PRKG1: variants seen among roughly 807,000 people sequenced by gnomAD.
The protein encoded by PRKG1 is cGMP-dependent protein kinase 1.
Under a neutral mutation model 88.1 loss-of-function variants are expected in PRKG1, and 35 were observed. That is an observed-to-expected ratio of 0.40 (90% CI 0.30 to 0.53). The LOEUF is 0.53. Among genes scored for constraint, PRKG1 ranks in the 20% least tolerant of loss-of-function variants. The probability of loss-of-function intolerance (pLI) is 0.59; values close to 1 mark genes in which losing one functional copy is unlikely to be tolerated. For missense variants in PRKG1, 540 were observed against 839.8 expected, an observed-to-expected ratio of 0.64 and a Z score of 4.41; for synonymous variants, 303 against 292.5, an observed-to-expected ratio of 1.04 and a Z score of -0.37.
chr10:51,336,495 C>T (rs1046812298), intron 2 of PRKG1, among the ~76,000 whole-genome samples: 2 of 152,152 alleles, frequency 1.3e-5, no homozygotes, highest in Non-Finnish European at 2.9e-5. Context: ...GTCACATCCT[C>T]TCCCCCTCTT....
intron 4 of PRKG1, among the ~76,000 whole-genome samples, chr10:51,838,054 ACT>A (rs72401691): frequency 0.065 from 9,859 of 151,984 alleles, 960 homozygotes; most frequent in African/African-American, 0.22. Context: ...TTAACTTGCA[ACT>A]CTCTTTGTGA....
At chr10:51,443,728 A>C (rs1360539847) in intron 2 of PRKG1, among the ~76,000 whole-genome samples, 1 of 151,958 alleles carries the variant, frequency 6.6e-6, no homozygotes, top group African/African-American at 2.4e-5. Flanking sequence ...AAGTGGACAT[A>C]ATTTGGGGAA....
At chr10:51,403,511 TA>T (rs1272579001) in intron 2 of PRKG1, among the ~76,000 whole-genome samples, 1 of 152,190 alleles carries the variant, frequency 6.6e-6, no homozygotes, top group Non-Finnish European at 1.5e-5. Context: ...ACACTTAATT[TA>T]CTCCTCTACA....
At chr10:52,231,316 G>A (rs1391369642) in intron 9 of PRKG1, 2 of 152,080 alleles carry the variant, frequency 1.3e-5, no homozygotes, top group Non-Finnish European at 2.9e-5. Flanking sequence ...CAGGAGAACT[G>A]CTTGAGCCCA....
At chr10:52,117,049 T>C (rs1246382018) in intron 7 of PRKG1, among the ~76,000 whole-genome samples, 1 of 152,078 alleles carries the variant, frequency 6.6e-6, no homozygotes, top group African/African-American at 2.4e-5. Context: ...TTCTGAATCA[T>C]TATGAAGAGA....
chr10:51,871,520 C>G (rs10999857), intron 4 of PRKG1, among the ~76,000 whole-genome samples: 21,799 of 152,210 alleles, frequency 0.14, 1,844 homozygotes, highest in Admixed American at 0.19. Context: ...TATCTCCAGT[C>G]AGATAATAGT....
intron 3 of PRKG1, among the ~76,000 whole-genome samples, chr10:51,509,414 T>C (rs1329431311): frequency 6.6e-6 from 1 of 152,236 alleles, no homozygotes; most frequent in Admixed American, 6.5e-5. Flanking sequence ...GTCACTGTTT[T>C]CATTTCTACA....
chr10:52,188,938 G>C (rs1184489935), intron 9 of PRKG1, among the ~76,000 whole-genome samples: 1 of 151,604 alleles, frequency 6.6e-6, no homozygotes, highest in Non-Finnish European at 1.5e-5. Flanking sequence ...ACCAGGCACA[G>C]AGAATACGAA....
chr10:51,384,254 T>C (rs1837191204), intron 2 of PRKG1, among the ~76,000 whole-genome samples: 1 of 152,122 alleles, frequency 6.6e-6, no homozygotes, highest in African/African-American at 2.4e-5. Flanking sequence ...TCCAAATATA[T>C]GTTAGTGTGG....
At chr10:51,522,512 A>G (rs1286684508) in intron 3 of PRKG1, among the ~76,000 whole-genome samples, 1 of 152,226 alleles carries the variant, frequency 6.6e-6, no homozygotes, top group Non-Finnish European at 1.5e-5. Flanking sequence ...AGTATATATT[A>G]ATAATTTTGT....
intron 3 of PRKG1, among the ~76,000 whole-genome samples, chr10:51,582,250 T>C (rs1838059034): frequency 6.6e-6 from 1 of 152,188 alleles, no homozygotes; most frequent in African/African-American, 2.4e-5. Flanking sequence ...AAGCCGTGCT[T>C]GTTCTTGGGG....
At chr10:51,666,999 T>C (rs930482894) in intron 3 of PRKG1, among the ~76,000 whole-genome samples, 12 of 151,988 alleles carry the variant, frequency 7.9e-5, no homozygotes, top group African/African-American at 2.9e-4. Context: ...GGTTTCACCA[T>C]GTTGGTTGGC....
At chr10:51,301,815 C>G (rs577533149) in intron 2 of PRKG1, among the ~76,000 whole-genome samples, 1 of 152,334 alleles carries the variant, frequency 6.6e-6, no homozygotes, top group East Asian at 1.9e-4. Flanking sequence ...GTTTGGCTTC[C>G]TGGCTATTGG....
At chr10:51,488,548 C>T (rs1253302172) in intron 3 of PRKG1, among the ~76,000 whole-genome samples, 1 of 152,054 alleles carries the variant, frequency 6.6e-6, no homozygotes, top group Non-Finnish European at 1.5e-5. Context: ...ACTTTGACAT[C>T]TATATTTACT....
At chr10:51,275,441 C>A (rs1005610876) in intron 2 of PRKG1, among the ~76,000 whole-genome samples, 3 of 152,104 alleles carry the variant, frequency 2.0e-5, no homozygotes, top group African/African-American at 7.2e-5. Context: ...TGGAAAATGT[C>A]TTTGCACATC....
At position 51,291,800 on chromosome 10, in the gene PRKG1, T is replaced by C. The variant is rs573050452; in HGVS notation, c.478+138470T>C. 2.6e-5 allele frequency among the ~76,000 whole-genome samples: 4 copies of C among 152,320 alleles called. No homozygotes were observed. The East Asian group carries it at 7.7e-4, about 29-fold the overall frequency. Reference sequence around the variant, plus strand: ...TTAAAAATGTTCAGATGTGTTTAGATTCTAGTGTATTTTTTCATTTAGATA... The same window carrying C: ...TTAAAAATGTTCAGATGTGTTTAGACTCTAGTGTATTTTTTCATTTAGATA... On this transcript the variant is annotated intron_variant, in intron 2 of 17. Coordinates refer to ENST00000373980, the MANE Select transcript of PRKG1 (RefSeq NM_006258.4).
intron 1 of PRKG1, among the ~76,000 whole-genome samples, chr10:51,097,721 T>C (rs1213104082): frequency 6.6e-6 from 1 of 152,132 alleles, no homozygotes; most frequent in Non-Finnish European, 1.5e-5. Flanking sequence ...CCAGGAATTT[T>C]TAATGCAGAT....
chr10:52,254,577 T>A (rs573472568), intron 10 of PRKG1, among the ~76,000 whole-genome samples: 1 of 152,148 alleles, frequency 6.6e-6, no homozygotes, highest in South Asian at 2.1e-4. Context: ...ATTTTTGAAC[T>A]TCATTTCCTG....
At chr10:51,178,919 A>T (rs1210904604) in intron 2 of PRKG1, among the ~76,000 whole-genome samples, 1 of 152,242 alleles carries the variant, frequency 6.6e-6, no homozygotes, top group African/African-American at 2.4e-5. Flanking sequence ...TTGTATGCAT[A>T]ATATTAGTAC....
Sources: gnomAD v4.1 joint callset for allele counts (sites outside exome capture counted in the v4.1 genomes callset) on GRCh38, gnomAD v4.1.1 for gene constraint, MANE v1.5 for transcripts, NCBI Gene and HGNC (gene_info 2026-07-23, HGNC 2026-07-21) for gene names.